The following INSC variants were observed in gnomAD, a reference collection of about 807,000 sequenced individuals.
INSC encodes protein inscuteable homolog.
INSC carries 67 observed loss-of-function variants against 58.6 expected under a neutral mutation model. That is an observed-to-expected ratio of 1.14 (90% CI 0.94 to 1.40). INSC has a LOEUF of 1.40. INSC is among the 40% of genes most tolerant of loss of function. The pLI, the probability that INSC is intolerant of heterozygous loss-of-function variation, is 0.00. For missense variants in INSC, 714 were observed against 692.0 expected (o/e 1.03, Z -0.36); for synonymous variants, 262 against 276.1 (o/e 0.95, Z 0.51).
At chr11:15,126,970 CT>C (rs1421441389) in intron 1 of INSC, among the ~76,000 whole-genome samples, 2 of 152,320 alleles carry the variant, frequency 1.3e-5, no homozygotes, top group Non-Finnish European at 2.9e-5. Flanking sequence ...CAGTTTCTAT[CT>C]CAGCTATGTC....
intron 6 of INSC, among the ~76,000 whole-genome samples, chr11:15,192,630 T>G (rs183053270): frequency 3.3e-5 from 5 of 152,342 alleles, no homozygotes; most frequent in African/African-American, 1.2e-4. Flanking sequence ...CCAAAATCTC[T>G]GAGAGTTGGG....
chr11:15,229,964 A>ATATATAATATTATATATATAT (rs1851805132), intron 9 of INSC, among the ~76,000 whole-genome samples: 1 of 15,698 alleles, frequency 6.4e-5, no homozygotes, highest in African/African-American at 2.6e-4. Context: ...ATATATTTAT[A>ATATATAATATTATATATATAT]TATATATATA....
At chr11:15,191,479 T>A (rs963479787) in intron 6 of INSC, among the ~76,000 whole-genome samples, 1 of 152,144 alleles carries the variant, frequency 6.6e-6, no homozygotes, top group Non-Finnish European at 1.5e-5. Flanking sequence ...GGTGATGTAG[T>A]GAATAAAGAG....
intron 7 of INSC, among the ~76,000 whole-genome samples, chr11:15,202,157 G>C (rs1230637578): frequency 1.3e-5 from 2 of 152,130 alleles, no homozygotes; most frequent in East Asian, 3.9e-4. Flanking sequence ...GATAGTAGAG[G>C]AGATAGTGCC....
At chr11:15,113,109 T>TTCTCTC (rs757095095), upstream of INSC, among the ~76,000 whole-genome samples, 7 of 75,100 alleles carry the variant, frequency 9.3e-5, no homozygotes, top group African/African-American at 2.7e-4. Flanking sequence ...TTTCTTTCTT[T>TTCTCTC]TCTCTCTCTC....
At chr11:15,130,885 A>T (rs1328652062) in intron 1 of INSC, among the ~76,000 whole-genome samples, 1 of 152,060 alleles carries the variant, frequency 6.6e-6, no homozygotes, top group Admixed American at 6.5e-5. Context: ...TTTTATTGCC[A>T]ATATCATTTA....
intron 8 of INSC, among the ~76,000 whole-genome samples, chr11:15,222,329 G>A (rs1164564498): frequency 2.6e-5 from 4 of 152,158 alleles, no homozygotes; most frequent in Admixed American, 6.5e-5. Context: ...AAGTGCTAAC[G>A]GTGATCTGTG....
At chr11:15,223,954 T>C (rs944328461) in intron 8 of INSC, among the ~76,000 whole-genome samples, 1 of 152,176 alleles carries the variant, frequency 6.6e-6, no homozygotes, top group East Asian at 1.9e-4. Flanking sequence ...TGTGGAAGCA[T>C]TGCTGGGAAT....
intron 9 of INSC, among the ~76,000 whole-genome samples, chr11:15,229,973 TATATA>T (rs1564917180): frequency 0.057 from 775 of 13,480 alleles, 77 homozygotes; most frequent in African/African-American, 0.18. Flanking sequence ...TATATATATA[TATATA>T]TTATATATAT....
chr11:15,193,348 G>T (rs1016186641), intron 6 of INSC, among the ~76,000 whole-genome samples: 1 of 152,178 alleles, frequency 6.6e-6, no homozygotes, highest in African/African-American at 2.4e-5. Context: ...CAACGTGCAG[G>T]TTTGTTACCT....
chr11:15,234,066 C>A (rs1484181081), intron 9 of INSC, among the ~76,000 whole-genome samples: 1 of 152,230 alleles, frequency 6.6e-6, no homozygotes, highest in African/African-American at 2.4e-5. Flanking sequence ...AAGTCCTAAA[C>A]CTCCTTTAGT....
At chr11:15,176,701 C>T (rs1169037672) in intron 3 of INSC, among the ~76,000 whole-genome samples, 1 of 152,154 alleles carries the variant, frequency 6.6e-6, no homozygotes, top group East Asian at 1.9e-4. Context: ...GAATCTTCTT[C>T]TCAAAGCCCA....
chr11:15,185,042 C>T (rs1849913682), intron 5 of INSC, among the ~76,000 whole-genome samples: 1 of 152,068 alleles, frequency 6.6e-6, no homozygotes, highest in Admixed American at 6.6e-5. Context: ...GGAATTTTTT[C>T]CAGAAATTGA....
rs144184659 is a variant in INSC at position 15,172,897 on chromosome 11, A to T, written c.57-2844A>T. Among the ~76,000 whole-genome samples the T allele has an allele frequency of 2.0e-3, 302 of 152,204 alleles. 1 individual carries two copies. The highest frequency in any genetic ancestry group is 3.8e-3 in the Non-Finnish European group (260 of 68,000). On this transcript the variant is annotated intron_variant, in intron 2 of 12. Transcript: ENST00000379556. ...CTCAGGAGTTTTGACTTATCCAGGG[A>T]ACGGTGGTATGGGGGGCGCAACTGA...
At chr11:15,176,670 G>A (rs976398846) in intron 3 of INSC, among the ~76,000 whole-genome samples, 18 of 152,124 alleles carry the variant, frequency 1.2e-4, no homozygotes, top group Admixed American at 3.9e-4. Context: ...AAGCTTTTCT[G>A]AGTCCACAGC....
chr11:15,180,462 T>G (rs1198435825), intron 5 of INSC, among the ~76,000 whole-genome samples: 5 of 152,086 alleles, frequency 3.3e-5, no homozygotes, highest in Admixed American at 2.6e-4. Flanking sequence ...CCTACTTCCC[T>G]GGCCTTTGGG....
upstream of INSC, chr11:15,114,821 G>C: frequency 8.4e-6 from 4 of 478,904 alleles, no homozygotes; most frequent in Non-Finnish European, 1.1e-5. Context: ...GAAGGTCCTT[G>C]GGAGGCTGCG....
At chr11:15,117,706 G>A (rs1211509377) in intron 1 of INSC, among the ~76,000 whole-genome samples, 1 of 152,154 alleles carries the variant, frequency 6.6e-6, no homozygotes, top group Non-Finnish European at 1.5e-5. Flanking sequence ...TCTGGGGATG[G>A]GAATCACACT....
At chr11:15,147,005 C>T (rs759193336) in intron 1 of INSC, among the ~76,000 whole-genome samples, 28 of 152,188 alleles carry the variant, frequency 1.8e-4, no homozygotes, top group Non-Finnish European at 3.4e-4. Flanking sequence ...CCTGTCTCCT[C>T]TCCTACCTTA....
Sources: gnomAD v4.1 joint callset for allele counts (sites outside exome capture counted in the v4.1 genomes callset) on GRCh38, gnomAD v4.1.1 for gene constraint, MANE v1.5 for transcripts, NCBI Gene and HGNC (gene_info 2026-07-23, HGNC 2026-07-21) for gene names.